KLF7: variants seen among roughly 807,000 people sequenced by gnomAD.
KLF7 encodes KLF transcription factor 7.
In KLF7, 2 loss-of-function variants were observed where a neutral mutation model predicts 27.3. That is an observed-to-expected ratio of 0.07 (90% CI 0.03 to 0.23). The LOEUF (loss-of-function observed/expected upper bound fraction) is 0.23. Ranked by LOEUF, KLF7 falls within the 10% of genes least tolerant of loss-of-function variation. The pLI is 1.00. For missense variants in KLF7, 221 were observed against 394.1 expected, an observed-to-expected ratio of 0.56 and a Z score of 3.72; for synonymous variants, 165 against 162.4, an observed-to-expected ratio of 1.02 and a Z score of -0.12.
In KLF7 at chr2:207,079,272, T is replaced by A. The variant is rs1033352793; in HGVS notation, c.*1941A>T. The A allele has an allele frequency of 1.3e-5, 2 of 152,188 alleles. No individual in the cohort carries two copies. Among genetic ancestry groups the A allele is most frequent in the Non-Finnish European group, 2.9e-5 (2 of 68,042 alleles). The allele number at this position is 152,188 out of a possible 1,614,324, so 9.4% of individuals were successfully genotyped here. ...TTGCAGAAAGCTGAAAACCCAGATCTTGAAGGTTGCTGTCATATATGTGTT... is the reference window on the plus strand; with the variant it reads ...TTGCAGAAAGCTGAAAACCCAGATCATGAAGGTTGCTGTCATATATGTGTT... On this transcript the variant is annotated 3_prime_UTR_variant, in exon 4 of 4. Coordinates refer to ENST00000309446, the MANE Select transcript of KLF7 (RefSeq NM_003709.4).
chr2:207,163,202 T>C (rs1267295391), intron 1 of KLF7, among the ~76,000 whole-genome samples: 2 of 151,862 alleles, frequency 1.3e-5, no homozygotes, highest in Admixed American at 1.3e-4. Flanking sequence ...CTCACTGGAG[T>C]GATATATTGT....
At chr2:207,125,942 T>G (rs1287089467) in intron 1 of KLF7, among the ~76,000 whole-genome samples, 2 of 152,200 alleles carry the variant, frequency 1.3e-5, no homozygotes, top group Non-Finnish European at 2.9e-5. Context: ...GTATAAAATG[T>G]GTTGATAAGT....
chr2:207,147,255 G>A (rs1003898956), intron 1 of KLF7, among the ~76,000 whole-genome samples: 1 of 152,042 alleles, frequency 6.6e-6, no homozygotes, highest in African/African-American at 2.4e-5. Context: ...TCAAAAAACA[G>A]AAACACAGGA....
intron 2 of KLF7, among the ~76,000 whole-genome samples, chr2:207,102,615 T>G (rs1407605558): frequency 1.3e-5 from 2 of 152,212 alleles, no homozygotes; most frequent in African/African-American, 2.4e-5. Flanking sequence ...CAAACTACAA[T>G]GTACTAGGAT....
At chr2:207,135,301 C>G (rs1044586950) in intron 1 of KLF7, among the ~76,000 whole-genome samples, 50 of 147,602 alleles carry the variant, frequency 3.4e-4, no homozygotes, top group African/African-American at 1.1e-3. Flanking sequence ...GATAGCTCTG[C>G]TGTCATTGAG....
intron 1 of KLF7, among the ~76,000 whole-genome samples, chr2:207,147,363 A>G (rs1000514017): frequency 8.5e-5 from 13 of 152,212 alleles, no homozygotes; most frequent in Non-Finnish European, 2.9e-5. Context: ...AACAGAACAG[A>G]AAAGGTATAA....
chr2:207,111,248 T>C (rs1056996189), intron 2 of KLF7, among the ~76,000 whole-genome samples: 15 of 152,130 alleles, frequency 9.9e-5, no homozygotes, highest in African/African-American at 3.1e-4. Context: ...CCTTGAACCA[T>C]TGTGTGACTC....
intron 1 of KLF7, among the ~76,000 whole-genome samples, chr2:207,157,973 G>A (rs969361828): frequency 5.9e-5 from 9 of 152,126 alleles, no homozygotes; most frequent in African/African-American, 2.2e-4. Flanking sequence ...CTGAAGTGAT[G>A]GTAGAACAAC....
chr2:207,165,357 A>G, intron 1 of KLF7, 110 bp downstream of exon 1: 1 of 1,487,694 alleles, frequency 6.7e-7, no homozygotes. Flanking sequence ...AAAAGGAAGA[A>G]AAAAAAGTCA....
chr2:207,166,931 C>A (rs942970520), upstream of KLF7: 1 of 864,762 alleles, frequency 1.2e-6, no homozygotes, highest in Non-Finnish European at 1.5e-6. Context: ...CCCCGCCCCG[C>A]CCCGCGGGCG....
rs1420109866 is a variant in KLF7, at chr2:207,113,406, C to T, written c.733+10368G>A. Among the ~76,000 whole-genome samples the T allele has an allele frequency of 2.0e-5, 3 of 152,196 alleles. No individual in the cohort carries two copies. The East Asian group carries it at 5.8e-4, about 29-fold the overall frequency. On this transcript the variant is annotated intron_variant, in intron 2 of 3. Coordinates refer to ENST00000309446, the MANE Select transcript of KLF7 (RefSeq NM_003709.4). ...TTAGTTGAGAAGGCAGGATGAGGGG[C>T]CGCAGGTGCCAGACATTGTGTAGAA... is the stretch of plus-strand genomic sequence containing the variant.
chr2:207,145,247 A>G (rs529811580), intron 1 of KLF7, among the ~76,000 whole-genome samples: 1 of 152,352 alleles, frequency 6.6e-6, no homozygotes, highest in South Asian at 2.1e-4. Flanking sequence ...TTTAATATGT[A>G]ACATGGAAAG....
intron 1 of KLF7, among the ~76,000 whole-genome samples, chr2:207,157,933 T>C (rs2078435628): frequency 6.6e-6 from 1 of 152,192 alleles, no homozygotes; most frequent in Admixed American, 6.5e-5. Flanking sequence ...TGGAAGAAGT[T>C]GATGAGTTAG....
intron 3 of KLF7, among the ~76,000 whole-genome samples, chr2:207,085,434 CCTAT>C (rs1483527481): frequency 6.6e-6 from 1 of 152,104 alleles, no homozygotes; most frequent in Non-Finnish European, 1.5e-5. Flanking sequence ...GAAACTGAGC[CCTAT>C]CTACCACCAT....
At chr2:207,138,312 T>C (rs2077846035) in intron 1 of KLF7, among the ~76,000 whole-genome samples, 2 of 152,304 alleles carry the variant, frequency 1.3e-5, no homozygotes, top group South Asian at 2.1e-4. Context: ...TTGCTACATA[T>C]GCACAACACA....
chr2:207,082,777 C>T (rs1405682165), intron 3 of KLF7, among the ~76,000 whole-genome samples: 2 of 152,278 alleles, frequency 1.3e-5, no homozygotes, highest in Non-Finnish European at 2.9e-5. Context: ...CTACACTGTT[C>T]AGGTTAGCAG....
intron 1 of KLF7, among the ~76,000 whole-genome samples, chr2:207,156,383 T>G (rs929567222): frequency 6.6e-6 from 1 of 152,198 alleles, no homozygotes; most frequent in African/African-American, 2.4e-5. Context: ...CCTCTGAAAT[T>G]CTTTATAAAC....
chr2:207,120,002 C>T lies in KLF7; in HGVS notation c.733+3772G>A, dbSNP rs192467767. On this transcript the variant is annotated intron_variant, in intron 2 of 3. Transcript: ENST00000309446. ...AGCCACCGCACCTGGCCCTTATGTC[C>T]ATTTTTATATGCTTCCTTTCACTAA... is the stretch of plus-strand genomic sequence containing the variant. Among the ~76,000 whole-genome samples the T allele has an allele frequency of 7.2e-5, 11 of 152,282 alleles. No homozygotes were observed. The East Asian group carries it at 2.1e-3, about 29-fold the overall frequency.
intron 2 of KLF7, among the ~76,000 whole-genome samples, chr2:207,102,126 T>TACACA (rs371861690): frequency 7.1e-6 from 1 of 141,172 alleles, no homozygotes; most frequent in African/African-American, 2.6e-5. Flanking sequence ...ACATTCACAT[T>TACACA]CACACACACA....
Sources: allele counts gnomAD v4.1 joint callset (sites outside exome capture counted in the v4.1 genomes callset), GRCh38; gene constraint gnomAD v4.1.1; transcripts MANE v1.5; gene names NCBI Gene and HGNC (gene_info 2026-07-23, HGNC 2026-07-21).